The following SLC2A1 variants were observed in gnomAD, a reference collection of about 807,000 sequenced individuals.
SLC2A1 encodes the protein solute carrier family 2, facilitated glucose transporter member 1.
Under a neutral mutation model 46.6 loss-of-function variants are expected in SLC2A1, and 4 were observed. The ratio of observed to expected loss-of-function variants is 0.09; its 90% confidence interval spans 0.04 to 0.20. SLC2A1 has a LOEUF of 0.20. Among genes scored for constraint, SLC2A1 ranks in the 10% least tolerant of loss-of-function variants. The pLI is 1.00. For synonymous variants in SLC2A1, 253 were observed against 270.0 expected, an observed-to-expected ratio of 0.94 and a Z score of 0.62; for missense variants, 352 against 667.0, an observed-to-expected ratio of 0.53 and a Z score of 5.20.
At chr1:42,934,258 T>TGC (rs1643520731) in intron 2 of SLC2A1, among the ~76,000 whole-genome samples, 1 of 152,190 alleles carries the variant, frequency 6.6e-6, no homozygotes. Context: ...TCCTGGACGC[T>TGC]GCCTAGCTGC....
Position 42,926,925 on chromosome 1 carries a change from C to T in SLC2A1, c.*116G>A. The T allele has an allele frequency of 6.5e-7, 1 of 1,532,616 alleles. No homozygotes were observed. 94.9% of individuals were successfully genotyped at this position (1,532,616 alleles called of 1,614,324 possible). On this transcript the variant is annotated 3_prime_UTR_variant, in exon 10 of 10. Transcript: ENST00000426263. Reference sequence around the variant, plus strand: ...CATCATTGCTGGCTGGAGAAAGGAGCCCCAGGCCCGGCTCGGCTGACATCT... The same window carrying T: ...CATCATTGCTGGCTGGAGAAAGGAGTCCCAGGCCCGGCTCGGCTGACATCT...
chr1:42,939,732 G>A (rs1643576897), intron 2 of SLC2A1, among the ~76,000 whole-genome samples: 1 of 152,134 alleles, frequency 6.6e-6, no homozygotes, highest in Non-Finnish European at 1.5e-5. Flanking sequence ...TGGATCGCCT[G>A]AGGTCAGGAG....
chr1:42,955,254 A>G (rs1643760182), intron 1 of SLC2A1, among the ~76,000 whole-genome samples: 1 of 152,222 alleles, frequency 6.6e-6, no homozygotes, highest in South Asian at 2.1e-4. Flanking sequence ...GAATTCCTAG[A>G]CACTGTAATG....
intron 2 of SLC2A1, 37 bp downstream of exon 2, chr1:42,943,189 G>T: frequency 7.4e-7 from 1 of 1,357,268 alleles, no homozygotes; most frequent in Non-Finnish European, 1.1e-6. Context: ...AACAGAGCAG[G>T]CTGGTGTCCA....
In SLC2A1 at chr1:42,952,140, G is replaced by A. The variant is rs116275892; in HGVS notation, c.18+6494C>T. On this transcript the variant is annotated intron_variant, in intron 1 of 9. Coordinates refer to ENST00000426263, the MANE Select transcript of SLC2A1 (RefSeq NM_006516.4). Reference sequence around the variant, plus strand: ...CATTCACAAGACCAACTACTGAAGGGATATGTGTCTCAGGCTGTTCATTCT... The same window carrying A: ...CATTCACAAGACCAACTACTGAAGGAATATGTGTCTCAGGCTGTTCATTCT... 498 of 517,878 alleles carry A rather than the reference G, an allele frequency of 9.6e-4. 2 individuals carry two copies. Among genetic ancestry groups the A allele is most frequent in the African/African-American group, 8.9e-3 (462 of 52,202 alleles). 32.1% of individuals were successfully genotyped at this position (517,878 alleles called of 1,614,324 possible).
At chr1:42,940,439 G>A (rs1643585863) in intron 2 of SLC2A1, among the ~76,000 whole-genome samples, 1 of 152,194 alleles carries the variant, frequency 6.6e-6, no homozygotes, top group African/African-American at 2.4e-5. Context: ...TAAGGACACG[G>A]CCGTGGACAA....
At position 42,927,015 on chromosome 1, in the gene SLC2A1, A is replaced by C; in HGVS notation, c.*26T>G. ...AGAGATCCTTAGGGCTGCTGGGAGC[A>C]GGCCGGGCTGGTGATCTGGGGCGAC... On this transcript the variant is annotated 3_prime_UTR_variant, in exon 10 of 10. Coordinates refer to ENST00000426263, the MANE Select transcript of SLC2A1 (RefSeq NM_006516.4). The surrounding 1 kb of genome is among the most constrained non-coding windows in gnomAD (Gnocchi z 5.3). The C allele has an allele frequency of 6.2e-7, 1 of 1,610,734 alleles. No homozygotes were observed. The highest frequency in any genetic ancestry group is 2.2e-5 in the East Asian group (1 of 44,814).
intron 1 of SLC2A1, chr1:42,952,424 G>A (rs893303570): frequency 2.1e-6 from 1 of 475,914 alleles, no homozygotes; most frequent in Non-Finnish European, 4.2e-6. Flanking sequence ...GCGAGTTGGG[G>A]ATAAGGACTT....
At position 42,929,764 on chromosome 1, in the gene SLC2A1, G is replaced by A. The variant is rs770293853; in HGVS notation, c.696C>T (p.Arg232=). 3.6e-5 allele frequency: 58 copies of A among 1,614,208 alleles called. No homozygotes were observed. The highest frequency in any genetic ancestry group is 4.3e-5 in the Non-Finnish European group (51 of 1,180,040). The change falls in exon 6 of 10, where the codon CGC becomes CGT. Residue 232 remains arginine, a synonymous_variant. Coordinates refer to ENST00000426263, the MANE Select transcript of SLC2A1 (RefSeq NM_006516.4). The surrounding 1 kb of genome is among the most constrained non-coding windows in gnomAD (Gnocchi z 6.0). ...NRAKSVLKKL[R]GTADVTHDLQ... is the part of the protein sequence containing the mutation. ...GGTCATGGGTCACGTCAGCTGTCCC[G>A]CGCAGCTTCTTTAGCACTGGGGGGA...
chr1:42,932,469 T>C (rs16830071), intron 2 of SLC2A1, among the ~76,000 whole-genome samples: 3 of 152,102 alleles, frequency 2.0e-5, no homozygotes, highest in African/African-American at 7.2e-5. Flanking sequence ...GCTCATAGAA[T>C]CTAAATATTC....
chr1:42,949,025 G>A (rs569057184), intron 1 of SLC2A1, among the ~76,000 whole-genome samples: 192 of 148,890 alleles, frequency 1.3e-3, no homozygotes, highest in Non-Finnish European at 2.2e-3. Context: ...CTGAGATCGC[G>A]CCACTGCACT....
rs1034285299 is a variant in SLC2A1, at chr1:42,954,558, G to A, written c.18+4076C>T. Among the ~76,000 whole-genome samples, 1 of 152,078 alleles carries A rather than the reference G, an allele frequency of 6.6e-6. No individual in the cohort carries two copies. Among genetic ancestry groups the A allele is most frequent in the African/African-American group, 2.4e-5 (1 of 41,418 alleles). Reference sequence around the variant, plus strand: ...AAAACAAAACACAGCTCCATAGAACGCCTCAAATCTTTTGTGATAGCCTTA... The same window carrying A: ...AAAACAAAACACAGCTCCATAGAACACCTCAAATCTTTTGTGATAGCCTTA... On this transcript the variant is annotated intron_variant, in intron 1 of 9. Transcript: ENST00000426263. This position sits in a 1 kb window ranked among gnomAD's most constrained non-coding sequence, Gnocchi z 4.2.
chr1:42,934,393 G>A (rs1284690688), intron 2 of SLC2A1, among the ~76,000 whole-genome samples: 1 of 152,208 alleles, frequency 6.6e-6, no homozygotes, highest in Non-Finnish European at 1.5e-5. Flanking sequence ...CTGAGGCTGG[G>A]GAGTGGGTTT....
Position 42,926,765 on chromosome 1 carries a change from A to C in SLC2A1, c.*276T>G, listed in dbSNP as rs1643430931. ...GAAGCCTGGGATGTGGGCACAGGAG[A>C]CTCAGGCTGATATAAAAATAACAAA... On this transcript the variant is annotated 3_prime_UTR_variant, in exon 10 of 10. Transcript: ENST00000426263. 1.4e-6 allele frequency: 2 copies of C among 1,421,220 alleles called. No homozygotes were observed. Among genetic ancestry groups the C allele is most frequent in the Non-Finnish European group, 1.9e-6 (2 of 1,079,086 alleles). 88.0% of individuals were successfully genotyped at this position (1,421,220 alleles called of 1,614,324 possible). A position where few individuals can be genotyped will look rare whatever the true frequency, so the allele number is the denominator to read the frequency against.
chr1:42,930,106 T>G lies in SLC2A1; in HGVS notation c.517-71A>C. The G allele has an allele frequency of 2.6e-6, 4 of 1,548,870 alleles. No homozygotes were observed. Among genetic ancestry groups the G allele is most frequent in the South Asian group, 1.1e-5 (1 of 88,280 alleles). ...CCCACCCCGTCCTGCCAGAGTGGCC[T>G]TCCCTACTTTGTGTCAGCTGCTGCT... On this transcript the variant is annotated intron_variant, in intron 4 of 9. Transcript: ENST00000426263. The surrounding 1 kb of genome is among the most constrained non-coding windows in gnomAD (Gnocchi z 6.2).
Position 42,930,514 on chromosome 1 carries a change from G to T in SLC2A1, c.516+112C>A. On this transcript the variant is annotated intron_variant, in intron 4 of 9. Coordinates refer to ENST00000426263, the MANE Select transcript of SLC2A1 (RefSeq NM_006516.4). This position sits in a 1 kb window ranked among gnomAD's most constrained non-coding sequence, Gnocchi z 6.2. ...TGTGTACCATAGTTGTCCTCTGCAA[G>T]GCTGTGGGGGCTGGGCGGAAGAGAA... The T allele has an allele frequency of 6.9e-7, 1 of 1,442,354 alleles. No individual in the cohort carries two copies. The highest frequency in any genetic ancestry group is 9.6e-7 in the Non-Finnish European group (1 of 1,043,654). The allele number at this position is 1,442,354 out of a possible 1,614,324, so 89.3% of individuals were successfully genotyped here.
chr1:42,948,936 C>T (rs1442867772), intron 1 of SLC2A1, among the ~76,000 whole-genome samples: 1 of 152,028 alleles, frequency 6.6e-6, no homozygotes, highest in East Asian at 1.9e-4. Flanking sequence ...GGCATGGTGG[C>T]GCATGCCTGT....
chr1:42,951,360 G>T (rs1180184801), intron 1 of SLC2A1, among the ~76,000 whole-genome samples: 1 of 151,870 alleles, frequency 6.6e-6, no homozygotes, highest in Non-Finnish European at 1.5e-5. Context: ...GTTCAGGGGG[G>T]AAAAAAAGCA....
chr1:42,953,162 G>A (rs936017431), intron 1 of SLC2A1, among the ~76,000 whole-genome samples: 4 of 152,244 alleles, frequency 2.6e-5, no homozygotes, highest in Non-Finnish European at 5.9e-5. Flanking sequence ...GTAGCCAAAG[G>A]CTCCATCAGC....
Sources: allele counts gnomAD v4.1 joint callset (sites outside exome capture counted in the v4.1 genomes callset), GRCh38; gene constraint gnomAD v4.1.1; non-coding constraint Gnocchi (gnomAD v3.1); transcripts MANE v1.5; gene names NCBI Gene and HGNC (gene_info 2026-07-23, HGNC 2026-07-21).